The following CLSPN variants were observed in gnomAD, a reference collection of about 807,000 sequenced individuals.
CLSPN encodes the protein claspin homolog.
In CLSPN, 85 loss-of-function variants were observed where a neutral mutation model predicts 156.3. The observed-to-expected ratio is 0.54, with a 90% CI of 0.46 to 0.65. The LOEUF is 0.65. Among genes scored for constraint, CLSPN ranks in the 30% least tolerant of loss-of-function variants. The pLI, the probability that CLSPN is intolerant of heterozygous loss-of-function variation, is 0.00. For synonymous variants in CLSPN, 534 were observed against 542.4 expected (o/e 0.98, Z 0.22); for missense variants, 1,407 against 1,554.9 (o/e 0.90, Z 1.60).
chr1:35,728,077 CTTTTTTTTTTT>C (rs59275877), downstream of CLSPN, among the ~76,000 whole-genome samples: 1 of 103,982 alleles, frequency 9.6e-6, no homozygotes, highest in African/African-American at 3.6e-5. Flanking sequence ...AAACCACAAG[CTTTTTTTTTTT>C]TTTTTTTTTT....
In CLSPN at chr1:35,745,621, C is replaced by T; in HGVS notation, c.2855-59G>A. 2.4e-6 allele frequency: 3 copies of T among 1,242,474 alleles called. No homozygotes were observed. In the South Asian group the frequency reaches 3.7e-5, roughly 15 times the overall value. The allele number at this position is 1,242,474 out of a possible 1,614,324, so 77.0% of individuals were successfully genotyped here. On this transcript the variant is annotated intron_variant, in intron 15 of 24. Transcript: ENST00000318121. ...GGAATGATAGCTTTATACTCTTTTC[C>T]CAGCCATCTAAAGTCATGCCAGCTC...
downstream of CLSPN, among the ~76,000 whole-genome samples, chr1:35,729,047 A>G (rs1188190360): frequency 6.6e-6 from 1 of 151,760 alleles, no homozygotes; most frequent in Non-Finnish European, 1.5e-5. Context: ...ATTTTTGCCT[A>G]GGTCCATCTG....
At position 35,733,745 on chromosome 1, in the gene CLSPN, AG is replaced by A; in HGVS notation, c.*2750del. The A allele has an allele frequency of 1.1e-6, 1 of 951,080 alleles. No individual in the cohort carries two copies. Among genetic ancestry groups the A allele is most frequent in the Non-Finnish European group, 1.3e-6 (1 of 799,098 alleles). The allele number at this position is 951,080 out of a possible 1,614,324, so 58.9% of individuals were successfully genotyped here. ...GTGACCCCAGCATTTTGGGAGGCCA[AG>A]GTGGGAGGATTACTTGAGGCCAGGA... On this transcript the variant is annotated 3_prime_UTR_variant, in exon 25 of 25. Coordinates refer to ENST00000318121, the MANE Select transcript of CLSPN (RefSeq NM_022111.4).
At chr1:35,736,819 G>T in intron 24 of CLSPN, 95 bp downstream of exon 24, 2 of 1,416,902 alleles carry the variant, frequency 1.4e-6, no homozygotes, top group Non-Finnish European at 1.9e-6. Context: ...CAACATTGCA[G>T]CATAGAGGTT....
chr1:35,729,659 C>G (rs1445948341), downstream of CLSPN, among the ~76,000 whole-genome samples: 6 of 152,166 alleles, frequency 3.9e-5, no homozygotes, highest in Non-Finnish European at 7.3e-5. Flanking sequence ...TCCAGGCATA[C>G]ACACAGGCCT....
intron 9 of CLSPN, 111 bp from the exon 10 acceptor site, chr1:35,751,617 T>G: frequency 1.4e-6 from 2 of 1,384,588 alleles, no homozygotes; most frequent in African/African-American, 1.4e-5. Context: ...TCTGAGACTC[T>G]AGTATTCTGG....
rs1642591879 is a variant in CLSPN at position 35,764,312 on chromosome 1, T to C, written c.536A>G (p.Lys179Arg). The change falls in exon 3 of 25, where the codon AAA becomes AGA. Residue 179 changes from lysine to arginine, a missense_variant. This residue lies in a region of CLSPN where 1,096 missense variants were observed against 1,193.0 expected (regional missense o/e 0.92). Coordinates refer to ENST00000318121, the MANE Select transcript of CLSPN (RefSeq NM_022111.4). ...SKRRLEKEERKMEKIRQLKKK... is the reference protein window; with the variant it reads ...SKRRLEKEERRMEKIRQLKKK... ...TTTTAGCTGTCTAATTTTTTCCATT[T>C]TTCTCTCCTCTTTCTCAAGTCTTCT... 6.3e-7 allele frequency: 1 copy of C among 1,585,724 alleles called. No individual in the cohort carries two copies.
At chr1:35,761,572 G>A (rs1350292609) in intron 6 of CLSPN, among the ~76,000 whole-genome samples, 1 of 152,176 alleles carries the variant, frequency 6.6e-6, no homozygotes, top group African/African-American at 2.4e-5. Context: ...AAACCATGCA[G>A]TGTTTTTTTG....
At chr1:35,721,067 T>C in intron 24 of CLSPN, 1 of 899,188 alleles carries the variant, frequency 1.1e-6, no homozygotes, top group Non-Finnish European at 1.7e-6. Flanking sequence ...GTTTCCTGCA[T>C]CTAAACTTAT....
chr1:35,753,687 G>T, intron 9 of CLSPN, 58 bp downstream of exon 9: 1 of 1,490,514 alleles, frequency 6.7e-7, no homozygotes, highest in Non-Finnish European at 9.3e-7. Context: ...CAATAGCCTT[G>T]AAGATCTGTT....
chr1:35,733,329 T>TTCTTTTTTTTTG lies in CLSPN; in HGVS notation c.*3166_*3167insCAAAAAAAAAGA, dbSNP rs2148610094. On this transcript the variant is annotated 3_prime_UTR_variant, in exon 25 of 25. Coordinates refer to ENST00000318121, the MANE Select transcript of CLSPN (RefSeq NM_022111.4). ...ATTTTCTTTTTTTTTTCTTTTTTTTTTTTTTTTTAGAGTTGGGATTTCACC... is the reference window on the plus strand; with the variant it reads ...ATTTTCTTTTTTTTTTCTTTTTTTTTTCTTTTTTTTTGTTTTTTTTAGAGTTGGGATTTCACC... 4.0e-6 allele frequency: 1 copy of TTCTTTTTTTTTG among 251,778 alleles called. No homozygotes were observed. Among genetic ancestry groups the TTCTTTTTTTTTG allele is most frequent in the East Asian group, 1.8e-4 (1 of 5,620 alleles). The allele number at this position is 251,778 out of a possible 1,614,324, so 15.6% of individuals were successfully genotyped here.
intron 20 of CLSPN, among the ~76,000 whole-genome samples, 191 bp downstream of exon 20, chr1:35,738,945 C>T (rs1038610070): frequency 1.3e-5 from 2 of 151,998 alleles, no homozygotes; most frequent in Admixed American, 6.6e-5. Flanking sequence ...GGATTACAGG[C>T]GCGTGCCATC....
In CLSPN at chr1:35,747,902, C is replaced by T; in HGVS notation, c.2627+5G>A. The T allele has an allele frequency of 6.2e-7, 1 of 1,610,988 alleles. No individual in the cohort carries two copies. Among genetic ancestry groups the T allele is most frequent in the Non-Finnish European group, 8.5e-7 (1 of 1,179,062 alleles). On this transcript the variant is annotated splice_donor_5th_base_variant and intron_variant, in intron 14 of 24. Transcript: ENST00000318121. ...TCCCGCCCACAGAAACACAAAACTACCTACCCATCTGCATCCAACAGTTGG... is the reference window on the plus strand; with the variant it reads ...TCCCGCCCACAGAAACACAAAACTATCTACCCATCTGCATCCAACAGTTGG...
At chr1:35,763,789 T>G (rs1642566471) in intron 3 of CLSPN, among the ~76,000 whole-genome samples, 2 of 146,968 alleles carry the variant, frequency 1.4e-5, no homozygotes, top group East Asian at 4.9e-4. Context: ...TTTGTTTTTT[T>G]GGTTTTTGTT....
chr1:35,751,359 TC>T lies in CLSPN; in HGVS notation c.1918del (p.Asp640MetfsTer11). 6.2e-7 allele frequency: 1 copy of T among 1,604,722 alleles called. No homozygotes were observed. Among genetic ancestry groups the T allele is most frequent in the Non-Finnish European group, 8.5e-7 (1 of 1,173,098 alleles). ...EEEEEEEEMT[D>X]ESEEDGEEKV... The stretch of plus-strand genomic sequence containing the variant: ...CTCTTCTCCATCTTCCTCAGACTCA[TC>T]TGTCATTTCTTCCTCTTCCTCCTCC... On this transcript the variant is annotated frameshift_variant, in exon 10 of 25. Transcript: ENST00000318121. LOFTEE classifies it high-confidence loss of function.
intron 24 of CLSPN, among the ~76,000 whole-genome samples, chr1:35,726,300 A>G (rs1557492446): frequency 6.6e-6 from 1 of 152,140 alleles, no homozygotes; most frequent in Admixed American, 6.5e-5. Flanking sequence ...GCTGCTAACA[A>G]AAGGTAGTAT....
chr1:35,729,599 G>A (rs1338904612), downstream of CLSPN, among the ~76,000 whole-genome samples: 11 of 152,138 alleles, frequency 7.2e-5, no homozygotes. Flanking sequence ...TAAAATCTGA[G>A]GTGACACCAG....
At chr1:35,726,725 T>C (rs929189132) in intron 24 of CLSPN, among the ~76,000 whole-genome samples, 4 of 152,154 alleles carry the variant, frequency 2.6e-5, no homozygotes, top group East Asian at 1.9e-4. Context: ...AACAAATCTA[T>C]TGTGGGTGGT....
chr1:35,735,101 T>C lies in CLSPN; in HGVS notation c.*1395A>G. The C allele has an allele frequency of 2.1e-5, 21 of 985,452 alleles. No homozygotes were observed. Among genetic ancestry groups the C allele is most frequent in the Non-Finnish European group, 2.5e-5 (21 of 829,940 alleles). The allele number at this position is 985,452 out of a possible 1,614,324, so 61.0% of individuals were successfully genotyped here. A position where few individuals can be genotyped will look rare whatever the true frequency, so the allele number is the denominator to read the frequency against. On this transcript the variant is annotated 3_prime_UTR_variant, in exon 25 of 25. Coordinates refer to ENST00000318121, the MANE Select transcript of CLSPN (RefSeq NM_022111.4). ...AGAATGCAATAAATAAGGGTTATGT[T>C]TCTTCTTGTCAGACCCAGAAGGGAG...
Sources: allele counts gnomAD v4.1 joint callset (sites outside exome capture counted in the v4.1 genomes callset), GRCh38; gene constraint gnomAD v4.1.1; regional missense constraint gnomAD v4.1.1; transcripts MANE v1.5; gene names NCBI Gene and HGNC (gene_info 2026-07-23, HGNC 2026-07-21).